HS2ST1: variants seen among roughly 807,000 people sequenced by gnomAD.
HS2ST1 encodes the protein 2-O-sulfotransferase.
Under a neutral mutation model 42.9 loss-of-function variants are expected in HS2ST1, and 18 were observed. That is an observed-to-expected ratio of 0.42 (90% CI 0.29 to 0.62). The LOEUF (loss-of-function observed/expected upper bound fraction) is 0.62. Ranked by LOEUF, HS2ST1 falls within the 20% of genes least tolerant of loss-of-function variation. The pLI is 0.21. For synonymous variants in HS2ST1, 146 were observed against 152.9 expected (o/e 0.95, Z 0.33); for missense variants, 334 against 433.8 (o/e 0.77, Z 2.04).
intron 1 of HS2ST1, among the ~76,000 whole-genome samples, chr1:87,021,842 A>T (rs1649962357): frequency 6.6e-6 from 1 of 152,198 alleles, no homozygotes; most frequent in Admixed American, 6.6e-5. Flanking sequence ...ACCACCGATG[A>T]TACTTCAGAG....
chr1:86,937,395 A>G (rs1660679699), intron 1 of HS2ST1, among the ~76,000 whole-genome samples: 1 of 152,208 alleles, frequency 6.6e-6, no homozygotes, highest in South Asian at 2.1e-4. Context: ...TATGAAGGAC[A>G]ATGTATAGTT....
Position 87,061,322 on chromosome 1 carries a change from G to A in HS2ST1, c.125-11612G>A, listed in dbSNP as rs146951991. 8.5e-5 allele frequency among the ~76,000 whole-genome samples: 13 copies of A among 152,144 alleles called. No homozygotes were observed. The East Asian group carries it at 2.5e-3, about 29-fold the overall frequency. ...TGGCATTTGGAACATTCACAATATT[G>A]TACAAGCACCATCTCTATCTAGTTC... is the stretch of plus-strand genomic sequence containing the variant. On this transcript the variant is annotated intron_variant, in intron 1 of 6. Transcript: ENST00000370550.
At chr1:87,061,339 A>AT (rs534846955) in intron 1 of HS2ST1, among the ~76,000 whole-genome samples, 125 of 152,212 alleles carry the variant, frequency 8.2e-4, no homozygotes, top group African/African-American at 2.9e-3. Flanking sequence ...CACCATCTCT[A>AT]TCTAGTTCCA....
At chr1:86,982,235 C>T (rs1648618049) in intron 1 of HS2ST1, among the ~76,000 whole-genome samples, 1 of 152,174 alleles carries the variant, frequency 6.6e-6, no homozygotes, top group Admixed American at 6.5e-5. Context: ...CTTCTTAGGC[C>T]TCTGGGCCTA....
chr1:87,057,440 C>G (rs1650997639), intron 1 of HS2ST1, among the ~76,000 whole-genome samples: 3 of 152,110 alleles, frequency 2.0e-5, no homozygotes, highest in African/African-American at 7.2e-5. Flanking sequence ...AATTTTTCTC[C>G]TATCTTCTAA....
chr1:87,099,160 C>A (rs1166599046), intron 5 of HS2ST1, among the ~76,000 whole-genome samples: 1 of 152,240 alleles, frequency 6.6e-6, no homozygotes, highest in Non-Finnish European at 1.5e-5. Context: ...TGTTTTCACA[C>A]TGCAGCAGCA....
intron 1 of HS2ST1, among the ~76,000 whole-genome samples, chr1:86,959,236 G>C (rs72947898): frequency 8.9e-4 from 135 of 152,288 alleles, no homozygotes; most frequent in African/African-American, 2.8e-3. Context: ...CCTGGTTAAT[G>C]CAATAAGACA....
chr1:86,978,461 A>G (rs1185613064), intron 1 of HS2ST1, among the ~76,000 whole-genome samples: 3 of 152,218 alleles, frequency 2.0e-5, no homozygotes, highest in Non-Finnish European at 2.9e-5. Context: ...GCAGTTTTCT[A>G]TTTAGTAAGT....
intron 1 of HS2ST1, among the ~76,000 whole-genome samples, chr1:87,058,919 C>T (rs915506267): frequency 2.0e-5 from 3 of 151,492 alleles, no homozygotes; most frequent in Non-Finnish European, 4.4e-5. Context: ...ATTAGCCAGG[C>T]GTGGTAGCAG....
At chr1:86,960,562 A>G (rs567653033) in intron 1 of HS2ST1, among the ~76,000 whole-genome samples, 2 of 152,372 alleles carry the variant, frequency 1.3e-5, no homozygotes, top group South Asian at 4.1e-4. Flanking sequence ...GCATCCAAAA[A>G]TATTCAGAGA....
At chr1:86,933,417 T>C (rs922643726) in intron 1 of HS2ST1, among the ~76,000 whole-genome samples, 2 of 152,222 alleles carry the variant, frequency 1.3e-5, no homozygotes, top group African/African-American at 2.4e-5. Context: ...ACTGATTGTT[T>C]TCTCTGCTGT....
intron 1 of HS2ST1, among the ~76,000 whole-genome samples, chr1:86,986,901 T>A (rs1403565011): frequency 6.6e-6 from 1 of 152,016 alleles, no homozygotes; most frequent in Non-Finnish European, 1.5e-5. Flanking sequence ...GTTATGACAG[T>A]CATAGAAAAA....
chr1:86,976,721 T>TATATATATATATA (rs61660936), intron 1 of HS2ST1, among the ~76,000 whole-genome samples: 40 of 135,656 alleles, frequency 2.9e-4, no homozygotes, highest in Middle Eastern at 3.8e-3. Flanking sequence ...TATATATATA[T>TATATATATATATA]TTTAAATGCC....
intron 1 of HS2ST1, among the ~76,000 whole-genome samples, chr1:86,999,887 A>G (rs1570474457): frequency 6.6e-6 from 1 of 152,336 alleles, no homozygotes; most frequent in East Asian, 1.9e-4. Flanking sequence ...ACTTCTGATA[A>G]TAAAGTTTCT....
Position 86,954,043 on chromosome 1 carries a change from A to T in HS2ST1, c.124+38883A>T, listed in dbSNP as rs904207008. 9.7e-3 allele frequency among the ~76,000 whole-genome samples: 932 copies of T among 96,272 alleles called. 8 individuals are homozygous for T. The highest frequency in any genetic ancestry group is 0.023 in the South Asian group (83 of 3,618). 63.2% of individuals were successfully genotyped at this position (96,272 alleles called of 152,430 possible). A position where few individuals can be genotyped will look rare whatever the true frequency, so the allele number is the denominator to read the frequency against. ...TAACAAACATCACTGTTTTTTTTAA[A>T]AAAAAAAAAAAAAAAAAAAAAAAAA... On this transcript the variant is annotated intron_variant, in intron 1 of 6. Coordinates refer to ENST00000370550, the MANE Select transcript of HS2ST1 (RefSeq NM_012262.4).
rs185204378 is a variant in HS2ST1, at chr1:87,037,678, T to G, written c.125-35256T>G. Among the ~76,000 whole-genome samples, 200 of 151,908 alleles carry G rather than the reference T, an allele frequency of 1.3e-3. 1 individual carries two copies. Among genetic ancestry groups the G allele is most frequent in the Non-Finnish European group, 2.4e-3 (163 of 67,796 alleles). On this transcript the variant is annotated intron_variant, in intron 1 of 6. Coordinates refer to ENST00000370550, the MANE Select transcript of HS2ST1 (RefSeq NM_012262.4). ...ACCTATTATAAATTGGGTATGTATG[T>G]TCCTAGTACTTTTTTGGTATTTTTA... is the stretch of plus-strand genomic sequence containing the variant.
At chr1:87,046,238 C>G in intron 1 of HS2ST1, 1 of 826,540 alleles carries the variant, frequency 1.2e-6, no homozygotes, top group Non-Finnish European at 2.1e-6. Flanking sequence ...TAACTACTAT[C>G]AAAGAGGGTG....
At chr1:87,091,242 C>T (rs761532681) in intron 3 of HS2ST1, among the ~76,000 whole-genome samples, 24 of 151,568 alleles carry the variant, frequency 1.6e-4, no homozygotes, top group African/African-American at 5.8e-4. Context: ...AAAATGAGAG[C>T]GGCACTCAAG....
chr1:86,933,376 G>A (rs1660580355), intron 1 of HS2ST1, among the ~76,000 whole-genome samples: 1 of 152,086 alleles, frequency 6.6e-6, no homozygotes, highest in African/African-American at 2.4e-5. Flanking sequence ...CTTTCAGTTT[G>A]GGAAGTTTCT....
Sources: gnomAD v4.1 joint callset for allele counts (sites outside exome capture counted in the v4.1 genomes callset) on GRCh38, gnomAD v4.1.1 for gene constraint, MANE v1.5 for transcripts, NCBI Gene and HGNC (gene_info 2026-07-23, HGNC 2026-07-21) for gene names.